LRP2: variants seen among roughly 807,000 people sequenced by gnomAD.
The protein encoded by LRP2 is LDL receptor related protein 2.
A neutral mutation model predicts 531.0 loss-of-function variants in LRP2; 172 were observed. The ratio of observed to expected loss-of-function variants is 0.32; its 90% CI spans 0.29 to 0.37. The LOEUF (loss-of-function observed/expected upper bound fraction) is 0.37, where lower values mean the gene tolerates loss of function less well. LRP2 is among the 10% of genes least tolerant of loss of function. The pLI, the probability that LRP2 is intolerant of heterozygous loss-of-function variation, is 1.00. For synonymous variants in LRP2, 1,992 were observed against 2,027.6 expected (o/e 0.98, Z 0.47); for missense variants, 5,167 against 5,868.3 (o/e 0.88, Z 3.90).
At chr2:169,204,330 C>T in intron 41 of LRP2, 59 bp from the exon 42 acceptor site, 1 of 1,538,356 alleles carries the variant, frequency 6.5e-7, no homozygotes, top group East Asian at 2.2e-5. Context: ...AAGTTTTCAA[C>T]TGGCAGCCCA....
At chr2:169,296,511 C>T (rs1684137479) in intron 4 of LRP2, among the ~76,000 whole-genome samples, 1 of 151,864 alleles carries the variant, frequency 6.6e-6, no homozygotes, top group African/African-American at 2.4e-5. Context: ...AATTCCTTTG[C>T]CCCTGTGAGC....
At chr2:169,240,664 A>C in intron 25 of LRP2, 1 of 510,012 alleles carries the variant, frequency 2.0e-6, no homozygotes, top group Non-Finnish European at 3.5e-6. Flanking sequence ...AGAAAATATT[A>C]AAGTTAGAAA....
chr2:169,269,467 G>A (rs1425978154), intron 16 of LRP2, among the ~76,000 whole-genome samples: 2 of 152,138 alleles, frequency 1.3e-5, no homozygotes, highest in Non-Finnish European at 2.9e-5. Context: ...ACAACCATCT[G>A]ATCTTTGACA....
intron 31 of LRP2, among the ~76,000 whole-genome samples, chr2:169,230,132 A>G (rs1331790221): frequency 6.6e-6 from 1 of 152,232 alleles, no homozygotes; most frequent in East Asian, 1.9e-4. Context: ...AACACTTATC[A>G]ATCATCATCA....
At chr2:169,304,354 T>C (rs1291858821) in intron 4 of LRP2, among the ~76,000 whole-genome samples, 3 of 152,160 alleles carry the variant, frequency 2.0e-5, no homozygotes, top group Non-Finnish European at 4.4e-5. Flanking sequence ...ATCTCTACTA[T>C]ACAACCTCAA....
intron 18 of LRP2, 58 bp from the exon 19 acceptor site, chr2:169,256,294 C>G: frequency 6.9e-7 from 1 of 1,444,518 alleles, no homozygotes; most frequent in Admixed American, 1.7e-5. Context: ...GCACCCTTTA[C>G]ACAAAGGGCA....
rs570052630 is a variant in LRP2 at position 169,290,857 on chromosome 2, C to T, written c.910G>A (p.Gly304Arg). 7.9e-5 allele frequency: 128 copies of T among 1,613,888 alleles called. No individual in the cohort carries two copies. The highest frequency in any genetic ancestry group is 9.3e-5 in the Non-Finnish European group (110 of 1,179,948). The change falls in exon 8 of 79, where the codon GGA becomes AGA. Residue 304 changes from glycine (G) to arginine (R), a missense_variant. Gly to Arg is a moderately radical substitution (Grantham distance 125, BLOSUM62 -2). This residue lies in a region of LRP2 where 2,811 missense variants were observed against 3,058.0 expected (regional missense o/e 0.92). Coordinates refer to ENST00000649046, the MANE Select transcript of LRP2 (RefSeq NM_004525.3). ...TGTCTATACTCACTACAGTATTTTC[C>T]GGTACTAGTGTTGTTTTCATCTTCT... Reference protein sequence around the residue: ...GREDENNTSTGKYCSMTLCSA... With the variant: ...GREDENNTSTRKYCSMTLCSA...
chr2:169,197,656 T>G (rs927791603), intron 45 of LRP2, among the ~76,000 whole-genome samples: 2 of 152,248 alleles, frequency 1.3e-5, no homozygotes, highest in Admixed American at 1.3e-4. Flanking sequence ...GTAATTCTTC[T>G]GGTCTATAAG....
At chr2:169,201,015 C>A (rs1394250337) in intron 44 of LRP2, among the ~76,000 whole-genome samples, 1 of 152,148 alleles carries the variant, frequency 6.6e-6, no homozygotes, top group South Asian at 2.1e-4. Flanking sequence ...AAGAATTGCA[C>A]CTGTTATGAT....
At chr2:169,287,166 T>C (rs887996729) in intron 9 of LRP2, among the ~76,000 whole-genome samples, 9 of 152,222 alleles carry the variant, frequency 5.9e-5, no homozygotes, top group Admixed American at 2.6e-4. Context: ...TGTAAATTAC[T>C]TGAATGCATT....
rs1273562164 is a variant in LRP2 at position 169,170,802 on chromosome 2, T to C, written c.11264-135A>G. The C allele has an allele frequency of 2.2e-5, 16 of 728,478 alleles. No individual in the cohort carries two copies. In the Admixed American group the frequency reaches 3.0e-4, roughly 14 times the overall value. The allele number at this position is 728,478 out of a possible 1,614,324, so 45.1% of individuals were successfully genotyped here. ...AGCCCCAGAGGTGTGCTTGGGCAAATCATTCACCCTCCAAAACTAGACCTT... is the reference window on the plus strand; with the variant it reads ...AGCCCCAGAGGTGTGCTTGGGCAAACCATTCACCCTCCAAAACTAGACCTT... On this transcript the variant is annotated intron_variant, in intron 58 of 78. Coordinates refer to ENST00000649046, the MANE Select transcript of LRP2 (RefSeq NM_004525.3).
At chr2:169,311,535 T>C (rs867708843) in intron 3 of LRP2, among the ~76,000 whole-genome samples, 55 of 152,340 alleles carry the variant, frequency 3.6e-4, no homozygotes, top group African/African-American at 1.2e-3. Context: ...AATCCTGAGT[T>C]TTAGTTTGAT....
intron 20 of LRP2, 35 bp downstream of exon 20, chr2:169,247,343 C>CA (rs752754038): frequency 1.6e-5 from 25 of 1,611,606 alleles, no homozygotes; most frequent in South Asian, 3.3e-5. Context: ...TAAACCCATA[C>CA]AAAAAAATAA....
intron 1 of LRP2, among the ~76,000 whole-genome samples, chr2:169,342,011 G>T (rs1685576109): frequency 6.6e-6 from 1 of 151,998 alleles, no homozygotes; most frequent in Admixed American, 6.6e-5. Flanking sequence ...TAGCATTCCT[G>T]TCCTCTGCCC....
chr2:169,310,844 G>C (rs1014033948), intron 3 of LRP2, among the ~76,000 whole-genome samples: 1 of 152,162 alleles, frequency 6.6e-6, no homozygotes, highest in African/African-American at 2.4e-5. Context: ...ACTTCTTTTG[G>C]TTGGTAGCCT....
intron 3 of LRP2, 25 bp downstream of exon 3, chr2:169,318,737 G>A (rs2105513070): frequency 2.5e-6 from 4 of 1,613,952 alleles, no homozygotes; most frequent in South Asian, 1.1e-5. Flanking sequence ...CAAAGCCAAA[G>A]CAAGATTCCT....
chr2:169,209,518 A>C lies in LRP2; in HGVS notation c.6404T>G (p.Met2135Arg). The C allele has an allele frequency of 6.2e-7, 1 of 1,614,186 alleles. No individual in the cohort carries two copies. The highest frequency in any genetic ancestry group is 8.5e-7 in the Non-Finnish European group (1 of 1,180,010). ...TCCTATTCCATGTGTCACAATGTTCATCAGAGAAGATCCATCTGGTTTAAT... is the reference window on the plus strand; with the variant it reads ...TCCTATTCCATGTGTCACAATGTTCCTCAGAGAAGATCCATCTGGTTTAAT... ...RRIKPDGSSL[M>R]NIVTHGIGEN... Residue 2135 changes from methionine to arginine, a missense_variant, in exon 38 of 79, where the codon ATG (methionine) becomes AGG (arginine). By Grantham distance (91) the Met-to-Arg change is moderately conservative. This residue lies in a region of LRP2 where 2,811 missense variants were observed against 3,058.0 expected (regional missense o/e 0.92). Transcript: ENST00000649046.
At chr2:169,352,592 C>T (rs1574282875) in intron 1 of LRP2, among the ~76,000 whole-genome samples, 1 of 152,160 alleles carries the variant, frequency 6.6e-6, no homozygotes, top group East Asian at 1.9e-4. Context: ...AGATTTTCCA[C>T]ATTTTCTTTA....
chr2:169,206,713 C>T lies in LRP2; in HGVS notation c.7007G>A (p.Arg2336Gln), dbSNP rs147287428. 388 of 1,614,070 alleles carry T rather than the reference C, an allele frequency of 2.4e-4. No individual in the cohort carries two copies. Among genetic ancestry groups the T allele is most frequent in the African/African-American group, 1.1e-3 (86 of 75,018 alleles). Residue 2336 changes from arginine (R) to glutamine (Q), a missense_variant, in exon 39 of 79, where the codon CGG becomes CAG. Physicochemically the swap from Arg to Gln is conservative, Grantham distance 43 (BLOSUM62 1). This residue lies in a region of LRP2 where 2,811 missense variants were observed against 3,058.0 expected (regional missense o/e 0.92). Transcript: ENST00000649046. ...VTIFDKQVQP[R>Q]SPAEVNNNPC... ...GTTGTTGTTGACCTCTGCTGGTGAC[C>T]GGGGCTGGACTTGCTTGTCAAAGAT...
Sources: allele counts gnomAD v4.1 joint callset (sites outside exome capture counted in the v4.1 genomes callset), GRCh38; gene constraint gnomAD v4.1.1; regional missense constraint gnomAD v4.1.1; transcripts MANE v1.5; gene names NCBI Gene and HGNC (gene_info 2026-07-23, HGNC 2026-07-21).